Variants in HIP1 observed in about 807,000 individuals in gnomAD.
The protein encoded by HIP1 is huntingtin-interacting protein 1.
A neutral mutation model predicts 147.6 loss-of-function variants in HIP1; 65 were observed. The observed-to-expected ratio is 0.44, with a 90% CI of 0.36 to 0.54. The LOEUF (loss-of-function observed/expected upper bound fraction) is 0.54, where lower values mean the gene tolerates loss of function less well. Ranked by LOEUF, HIP1 falls within the 20% of genes least tolerant of loss-of-function variation. The probability of loss-of-function intolerance (pLI) is 0.00; values close to 1 mark genes in which losing one functional copy is unlikely to be tolerated. For synonymous variants in HIP1, 479 were observed against 504.0 expected (o/e 0.95, Z 0.67); for missense variants, 1,061 against 1,299.6 (o/e 0.82, Z 2.82).
intron 1 of HIP1, among the ~76,000 whole-genome samples, chr7:75,731,653 G>GTGC (rs545727460): frequency 6.6e-6 from 1 of 152,022 alleles, no homozygotes; most frequent in Non-Finnish European, 1.5e-5. Flanking sequence ...AAGGCTCAGG[G>GTGC]TGCTACACAG....
chr7:75,621,819 G>A (rs797029390), intron 1 of HIP1, among the ~76,000 whole-genome samples: 6 of 152,192 alleles, frequency 3.9e-5, no homozygotes, highest in African/African-American at 1.4e-4. Flanking sequence ...GAGTCAAGGA[G>A]AACATCGTGA....
intron 1 of HIP1, 140 bp from the exon 2 acceptor site, chr7:75,599,387 A>C (rs1796887814): frequency 6.0e-6 from 4 of 666,098 alleles, no homozygotes. Context: ...GTTCCTCTGC[A>C]GGCGCCCAGC....
At chr7:75,703,622 A>C (rs918560720) in intron 1 of HIP1, among the ~76,000 whole-genome samples, 3 of 152,104 alleles carry the variant, frequency 2.0e-5, no homozygotes, top group Non-Finnish European at 4.4e-5. Flanking sequence ...AACAAAACAA[A>C]ACAACACACA....
chr7:75,682,245 C>A (rs1294375395), intron 1 of HIP1, among the ~76,000 whole-genome samples: 1 of 151,246 alleles, frequency 6.6e-6, no homozygotes, highest in Non-Finnish European at 1.5e-5. Context: ...CATGAGTCAC[C>A]CCCACCAGCC....
intron 1 of HIP1, among the ~76,000 whole-genome samples, chr7:75,690,197 G>A (rs1800401035): frequency 6.6e-6 from 1 of 152,064 alleles, no homozygotes; most frequent in South Asian, 2.1e-4. Context: ...AAGATCGGCT[G>A]AGCACAAGGC....
rs142435682 is a variant in HIP1, at chr7:75,568,962, T to C, written c.746-706A>G. Among the ~76,000 whole-genome samples the C allele has an allele frequency of 5.4e-4, 82 of 152,230 alleles. No homozygotes were observed. Among genetic ancestry groups the C allele is most frequent in the African/African-American group, 1.7e-3 (72 of 41,540 alleles). On this transcript the variant is annotated intron_variant, in intron 8 of 30. Transcript: ENST00000336926. This position sits in a 1 kb window ranked among gnomAD's most constrained non-coding sequence, Gnocchi z 4.1. The stretch of plus-strand genomic sequence containing the variant: ...AGGCGGAAGTTGCAGTGAGCTGAGA[T>C]TGCACCACTGCACTCCAGCCTGGGC...
At chr7:75,556,893 TCAA>T in intron 16 of HIP1, 82 bp from the exon 17 acceptor site, 2 of 860,202 alleles carry the variant, frequency 2.3e-6, no homozygotes, top group South Asian at 2.8e-5. Context: ...TCCCAAGCGA[TCAA>T]CAAGAGATCT....
At position 75,593,969 on chromosome 7, in the gene HIP1, C is replaced by T. The variant is rs1034047929; in HGVS notation, c.185-1455G>A. ...AACACACCCACTCCCTGCAGATAGT[C>T]GTCAGTTTGCATGTAATAAATGTCC... On this transcript the variant is annotated intron_variant, in intron 2 of 30. Transcript: ENST00000336926. Among the ~76,000 whole-genome samples, 26 of 150,684 alleles carry T rather than the reference C, an allele frequency of 1.7e-4. No individual in the cohort carries two copies. In the Middle Eastern group the frequency reaches 0.01, roughly 61 times the overall value.
At chr7:75,611,050 T>G (rs1485017182) in intron 1 of HIP1, among the ~76,000 whole-genome samples, 2 of 149,516 alleles carry the variant, frequency 1.3e-5, no homozygotes, top group East Asian at 2.0e-4. Context: ...GGATTACAGG[T>G]GCCCGCCACC....
chr7:75,724,566 G>T lies in HIP1; in HGVS notation c.120+14235C>A, dbSNP rs1433458647. 2.6e-5 allele frequency among the ~76,000 whole-genome samples: 4 copies of T among 152,290 alleles called. No individual in the cohort carries two copies. In the South Asian group the frequency reaches 6.2e-4, roughly 24 times the overall value. On this transcript the variant is annotated intron_variant, in intron 1 of 30. Coordinates refer to ENST00000336926, the MANE Select transcript of HIP1 (RefSeq NM_005338.7). The stretch of plus-strand genomic sequence containing the variant: ...CCCAGCCTAAAAAACTGCCCAAAGT[G>T]CTGGGATTACAGGTGTGAGCCACCA...
chr7:75,551,552 T>C (rs1341642001), intron 22 of HIP1, among the ~76,000 whole-genome samples: 4 of 149,934 alleles, frequency 2.7e-5, no homozygotes, highest in Admixed American at 2.0e-4. Flanking sequence ...GACAGGGTCT[T>C]ACTCTCTCAC....
intron 1 of HIP1, among the ~76,000 whole-genome samples, chr7:75,603,215 G>T (rs929742381): frequency 1.3e-5 from 2 of 151,986 alleles, no homozygotes. Flanking sequence ...GGGTGTGGTG[G>T]TGTGTGCCTG....
Position 75,534,424 on chromosome 7 carries a change from T to G in HIP1, c.*3748A>C. 1 of 189,764 alleles carries G rather than the reference T, an allele frequency of 5.3e-6. No individual in the cohort carries two copies. The highest frequency in any genetic ancestry group is 8.3e-5 in the East Asian group (1 of 12,014). The allele number at this position is 189,764 out of a possible 1,614,324, so 11.8% of individuals were successfully genotyped here. A position where few individuals can be genotyped will look rare whatever the true frequency, so the allele number is the denominator to read the frequency against. ...CAAGATGGCTCTTCTCTTCTATTTC[T>G]TTCTCTCTCTCTCTCTTTTTTTTTT... On this transcript the variant is annotated 3_prime_UTR_variant, in exon 31 of 31. Transcript: ENST00000336926.
intron 1 of HIP1, among the ~76,000 whole-genome samples, chr7:75,639,592 T>TGTGTGTGTGCGTGCGC (rs879990782): frequency 6.7e-6 from 1 of 148,624 alleles, no homozygotes; most frequent in Non-Finnish European, 1.5e-5. Context: ...TGTGTGTGTG[T>TGTGTGTGTGCGTGCGC]GCGCCCGCGT....
At chr7:75,696,271 A>G (rs1800630712) in intron 1 of HIP1, among the ~76,000 whole-genome samples, 1 of 152,136 alleles carries the variant, frequency 6.6e-6, no homozygotes, top group Non-Finnish European at 1.5e-5. Flanking sequence ...TACAGGTGTG[A>G]GCCACCATGC....
At chr7:75,540,469 G>A (rs1441828450) in intron 29 of HIP1, among the ~76,000 whole-genome samples, 1 of 151,446 alleles carries the variant, frequency 6.6e-6, no homozygotes, top group Non-Finnish European at 1.5e-5. Flanking sequence ...AATTAGCTGG[G>A]CATGGTGGTG....
At chr7:75,574,467 T>G (rs1441665072) in intron 7 of HIP1, among the ~76,000 whole-genome samples, 1 of 150,474 alleles carries the variant, frequency 6.6e-6, no homozygotes, top group Admixed American at 6.7e-5. Context: ...CACATGCCTG[T>G]AATCCCAGCT....
chr7:75,638,502 C>G (rs1001413844), intron 1 of HIP1, among the ~76,000 whole-genome samples: 1 of 152,164 alleles, frequency 6.6e-6, no homozygotes, highest in Non-Finnish European at 1.5e-5. Flanking sequence ...CTCAGGCCCA[C>G]TGAAGCTGGG....
At chr7:75,706,505 T>TA (rs1386007782) in intron 1 of HIP1, among the ~76,000 whole-genome samples, 4 of 146,024 alleles carry the variant, frequency 2.7e-5, no homozygotes, top group African/African-American at 5.3e-5. Context: ...TTTTTTTATT[T>TA]TTTATTTATT....
Sources: gnomAD v4.1 joint callset for allele counts (sites outside exome capture counted in the v4.1 genomes callset) on GRCh38, gnomAD v4.1.1 for gene constraint, Gnocchi (gnomAD v3.1) non-coding constraint, MANE v1.5 for transcripts, NCBI Gene and HGNC (gene_info 2026-07-23, HGNC 2026-07-21) for gene names.